GLIS3: variants seen among roughly 807,000 people sequenced by gnomAD.
GLIS3 encodes the protein GLIS family zinc finger 3, also known as zinc finger protein GLIS3.
In GLIS3, 53 loss-of-function variants were observed where a neutral mutation model predicts 78.6. The observed-to-expected ratio is 0.67, with a 90% CI of 0.54 to 0.85. The LOEUF is 0.85. GLIS3 is among the 40% of genes least tolerant of loss of function. The probability of loss-of-function intolerance (pLI) is 0.00; values close to 1 mark genes in which losing one functional copy is unlikely to be tolerated. For synonymous variants in GLIS3, 684 were observed against 509.9 expected (o/e 1.34, Z -4.60); for missense variants, 1,703 against 1,231.1 (o/e 1.38, Z -5.74).
intron 4 of GLIS3, chr9:4,054,531 AAC>A (rs1825980331): frequency 1.0e-6 from 1 of 981,426 alleles, no homozygotes; most frequent in Non-Finnish European, 1.2e-6. Context: ...GAAGGAGGCA[AAC>A]ACAGATCTGA....
Position 3,973,731 on chromosome 9 carries a change from G to T in GLIS3, c.1711-36542C>A, listed in dbSNP as rs369744297. The stretch of plus-strand genomic sequence containing the variant: ...AATATCTCTAATAACATAAAATTAA[G>T]ACTATCAAAACCAGAAGGCAACATC... On this transcript the variant is annotated intron_variant, in intron 4 of 10. Transcript: ENST00000381971. Among the ~76,000 whole-genome samples, 406 of 152,094 alleles carry T rather than the reference G, an allele frequency of 2.7e-3. 6 individuals are homozygous for T. The South Asian group carries it at 0.031, about 12-fold the overall frequency.
chr9:4,417,865 A>G, the GLIS3 span, among the ~76,000 whole-genome samples: 6 of 152,252 alleles, frequency 3.9e-5, no homozygotes, highest in South Asian at 1.2e-3. Flanking sequence ...CTTTTCTCCA[A>G]ATCAAGTTTA....
rs191697604 is a variant in GLIS3 at position 3,847,162 on chromosome 9, C to T, written c.2473+8847G>A. ...TCGCGCCTCTGTACTCCAGCCTGGGCGACAGAATGAGACTCTGTTTCAGAA... is the reference window on the plus strand; with the variant it reads ...TCGCGCCTCTGTACTCCAGCCTGGGTGACAGAATGAGACTCTGTTTCAGAA... On this transcript the variant is annotated intron_variant, in intron 9 of 10. Coordinates refer to ENST00000381971, the MANE Select transcript of GLIS3 (RefSeq NM_001042413.2). Among the ~76,000 whole-genome samples, 392 of 151,770 alleles carry T rather than the reference C, an allele frequency of 2.6e-3. 1 individual carries two copies. Among genetic ancestry groups the T allele is most frequent in the Non-Finnish European group, 3.0e-3 (205 of 67,958 alleles).
chr9:3,927,066 A>G (rs370705429), intron 6 of GLIS3, among the ~76,000 whole-genome samples: 1 of 152,012 alleles, frequency 6.6e-6, no homozygotes, highest in African/African-American at 2.4e-5. Flanking sequence ...CCTTATCTGT[A>G]TTTATGTGGC....
the GLIS3 span, among the ~76,000 whole-genome samples, chr9:4,355,846 C>T: frequency 6.6e-6 from 1 of 152,074 alleles, no homozygotes; most frequent in African/African-American, 2.4e-5. Flanking sequence ...GAATCAAATA[C>T]CTGCTTTCTA....
intron 2 of GLIS3, among the ~76,000 whole-genome samples, chr9:4,155,403 G>A (rs1024847427): frequency 1.3e-5 from 2 of 152,194 alleles, no homozygotes; most frequent in African/African-American, 2.4e-5. Context: ...TCCCAAGCTC[G>A]TGACCTGGCC....
At chr9:4,464,256 C>G in the GLIS3 span, among the ~76,000 whole-genome samples, 1 of 151,874 alleles carries the variant, frequency 6.6e-6, no homozygotes, top group Non-Finnish European at 1.5e-5. Context: ...GCAATGGTCT[C>G]TTTGTAGCAT....
At chr9:4,297,280 G>A (rs1408083091) in intron 1 of GLIS3, among the ~76,000 whole-genome samples, 1 of 152,154 alleles carries the variant, frequency 6.6e-6, no homozygotes, top group Non-Finnish European at 1.5e-5. Flanking sequence ...GGTCATCTTC[G>A]AGCCAAGAAA....
intron 2 of GLIS3, among the ~76,000 whole-genome samples, chr9:4,189,267 T>G (rs903640692): frequency 1.3e-5 from 2 of 152,208 alleles, no homozygotes; most frequent in Admixed American, 1.3e-4. Flanking sequence ...CAGTAGTCAT[T>G]CAGGAGCAGG....
chr9:4,425,821 G>T, the GLIS3 span, among the ~76,000 whole-genome samples: 1 of 152,198 alleles, frequency 6.6e-6, no homozygotes, highest in Non-Finnish European at 1.5e-5. Flanking sequence ...ATGCACAGCG[G>T]TGGTATTTCC....
chr9:3,907,072 C>G (rs1823756900), intron 6 of GLIS3, among the ~76,000 whole-genome samples: 2 of 152,318 alleles, frequency 1.3e-5, no homozygotes, highest in African/African-American at 4.8e-5. Context: ...TTTCAACACT[C>G]CCCTGACCAG....
intron 4 of GLIS3, among the ~76,000 whole-genome samples, chr9:3,948,001 A>G (rs1402454533): frequency 6.6e-6 from 1 of 152,230 alleles, no homozygotes; most frequent in Non-Finnish European, 1.5e-5. Context: ...AATGGAACTC[A>G]AAACCTTGCA....
At chr9:4,426,880 A>T in the GLIS3 span, among the ~76,000 whole-genome samples, 1 of 152,238 alleles carries the variant, frequency 6.6e-6, no homozygotes, top group Admixed American at 6.5e-5. Context: ...TCCCTGGCAC[A>T]CTGAAAGCAT....
chr9:4,053,466 T>C (rs1825885841), intron 4 of GLIS3, among the ~76,000 whole-genome samples: 1 of 152,010 alleles, frequency 6.6e-6, no homozygotes, highest in Non-Finnish European at 1.5e-5. Context: ...CCCAAATTAT[T>C]TAATCATTCA....
chr9:4,292,957 A>C (rs1816151078), intron 1 of GLIS3, among the ~76,000 whole-genome samples: 1 of 152,230 alleles, frequency 6.6e-6, no homozygotes, highest in Admixed American at 6.5e-5. Flanking sequence ...CCTGAACTGC[A>C]AACACTGAAT....
chr9:4,342,119 A>C (rs923996920), intron 2 of GLIS3, among the ~76,000 whole-genome samples: 5 of 152,048 alleles, frequency 3.3e-5, no homozygotes, highest in African/African-American at 1.2e-4. Context: ...CCCATTTGTC[A>C]ATTTTTATTA....
At chr9:4,076,773 T>G (rs1204246601) in intron 4 of GLIS3, among the ~76,000 whole-genome samples, 3 of 152,214 alleles carry the variant, frequency 2.0e-5, no homozygotes, top group Admixed American at 2.0e-4. Flanking sequence ...GTTAAATTTT[T>G]TGGCTGGGCA....
intron 4 of GLIS3, among the ~76,000 whole-genome samples, chr9:4,056,272 G>T (rs916647319): frequency 3.3e-5 from 5 of 152,166 alleles, no homozygotes; most frequent in Non-Finnish European, 7.3e-5. Context: ...GAAGACATGG[G>T]AATCAAACAG....
At chr9:3,876,606 A>T (rs1200098815) in intron 8 of GLIS3, among the ~76,000 whole-genome samples, 1 of 121,154 alleles carries the variant, frequency 8.3e-6, no homozygotes, top group East Asian at 2.4e-4. Context: ...CTGCAACAAT[A>T]GGCAGGAAAA....
Sources: gnomAD v4.1 joint callset for allele counts (sites outside exome capture counted in the v4.1 genomes callset) on GRCh38, gnomAD v4.1.1 for gene constraint, MANE v1.5 for transcripts, NCBI Gene and HGNC (gene_info 2026-07-23, HGNC 2026-07-21) for gene names.